Variants in OSBPL5 observed in about 807,000 individuals in gnomAD.
OSBPL5 encodes oxysterol binding protein like 5, also known as oxysterol-binding protein-related protein 5.
In OSBPL5, 71 loss-of-function variants were observed where a neutral mutation model predicts 111.2. The ratio of observed to expected loss-of-function variants is 0.64; its 90% CI spans 0.53 to 0.78. OSBPL5 has a LOEUF of 0.78. Ranked by LOEUF, OSBPL5 falls within the 30% of genes least tolerant of loss-of-function variation. The pLI is 0.00. For synonymous variants in OSBPL5, 549 were observed against 513.9 expected, an observed-to-expected ratio of 1.07 and a Z score of -0.93; for missense variants, 1,210 against 1,189.3, an observed-to-expected ratio of 1.02 and a Z score of -0.26.
Position 3,128,267 on chromosome 11 carries a change from C to T in OSBPL5, c.136+746G>A, listed in dbSNP as rs181096892. ...CATGGCCAGGCAGGGCTGGGGCTCC[C>T]ACTTCCTCAGCCCCAAAGCAGGCAG... On this transcript the variant is annotated intron_variant, in intron 2 of 21. Transcript: ENST00000263650. Among the ~76,000 whole-genome samples the T allele has an allele frequency of 4.9e-4, 74 of 152,316 alleles. No individual in the cohort carries two copies. In the East Asian group the frequency reaches 0.013, roughly 27 times the overall value.
chr11:3,128,036 C>G (rs142864830), intron 2 of OSBPL5, among the ~76,000 whole-genome samples: 1 of 152,374 alleles, frequency 6.6e-6, no homozygotes, highest in Non-Finnish European at 1.5e-5. Context: ...GTGAACGTGA[C>G]AGCAGAGAAT....
chr11:3,139,067 T>G (rs76730034), intron 1 of OSBPL5, among the ~76,000 whole-genome samples: 9,764 of 152,200 alleles, frequency 0.064, 1,029 homozygotes, highest in African/African-American at 0.22. Flanking sequence ...CGAGTGGGGA[T>G]CCTGGGGTGC....
At chr11:3,090,079 T>G (rs1236756606) in intron 20 of OSBPL5, 131 bp from the exon 21 acceptor site, 3 of 640,418 alleles carry the variant, frequency 4.7e-6, no homozygotes, top group Non-Finnish European at 7.9e-6. Flanking sequence ...ATGGGAAACC[T>G]GCAGGGCCAA....
intron 7 of OSBPL5, among the ~76,000 whole-genome samples, chr11:3,112,040 TGC>T (rs1428102140): frequency 3.7e-4 from 32 of 87,656 alleles, no homozygotes; most frequent in African/African-American, 1.1e-3. Flanking sequence ...TGTGTATGTG[TGC>T]GCGCATGTGT....
Position 3,093,053 on chromosome 11 carries a change from C to A in OSBPL5, c.1947-1G>T. 6.4e-7 allele frequency: 1 copy of A among 1,569,642 alleles called. No individual in the cohort carries two copies. The highest frequency in any genetic ancestry group is 1.2e-5 in the South Asian group (1 of 85,998). ...GGCCCTGGTGACGTGCTGCCAGAGC[C>A]TGCGGGCCAGTGACCCATCCTGAGC... On this transcript the variant is annotated splice_acceptor_variant, in intron 17 of 21. Transcript: ENST00000263650. LOFTEE classifies it high-confidence loss of function.
chr11:3,137,474 CGGGGAGCA>C (rs779731923), intron 1 of OSBPL5, among the ~76,000 whole-genome samples: 3 of 152,266 alleles, frequency 2.0e-5, no homozygotes, highest in Non-Finnish European at 2.9e-5. Flanking sequence ...TCGCAAGGTG[CGGGGAGCA>C]GGGGAGCAGG....
chr11:3,102,347 AG>A (rs1356640260), intron 11 of OSBPL5, 66 bp from the exon 12 acceptor site: 4 of 1,478,960 alleles, frequency 2.7e-6, no homozygotes, highest in Non-Finnish European at 3.7e-6. Flanking sequence ...AGAGCAGGTG[AG>A]GGATGTGGAC....
rs1428870109 is a variant in OSBPL5 at position 3,141,949 on chromosome 11, G to T, written c.-21-12780C>A. 6.6e-6 allele frequency among the ~76,000 whole-genome samples: 1 copy of T among 152,174 alleles called. No individual in the cohort carries two copies. The highest frequency in any genetic ancestry group is 2.4e-5 in the African/African-American group (1 of 41,446). ...TTTTTTTGAGACGGAGTCTCGCTCT[G>T]TTGCCCAGACTGGAGTACAATGGCA... is the stretch of plus-strand genomic sequence containing the variant. On this transcript the variant is annotated intron_variant, in intron 1 of 21. Coordinates refer to ENST00000263650, the MANE Select transcript of OSBPL5 (RefSeq NM_020896.4). The surrounding 1 kb of genome is among the most constrained non-coding windows in gnomAD (Gnocchi z 6.5).
At chr11:3,129,369 G>T (rs1858747134) in intron 1 of OSBPL5, 200 bp from the exon 2 acceptor site, 3 of 414,052 alleles carry the variant, frequency 7.2e-6, no homozygotes, top group African/African-American at 2.1e-5. Context: ...TTTGGCTGGT[G>T]CCAGCCCTTT....
At chr11:3,128,320 G>C (rs1468348912) in intron 2 of OSBPL5, among the ~76,000 whole-genome samples, 1 of 152,206 alleles carries the variant, frequency 6.6e-6, no homozygotes, top group East Asian at 1.9e-4. Flanking sequence ...GAGCTGGGGA[G>C]AGGTCCCCCA....
At chr11:3,100,538 G>T (rs947621317) in intron 13 of OSBPL5, among the ~76,000 whole-genome samples, 1 of 152,252 alleles carries the variant, frequency 6.6e-6, no homozygotes, top group African/African-American at 2.4e-5. Flanking sequence ...GGTGGAGGCT[G>T]CAAACTTTTT....
Position 3,092,558 on chromosome 11 carries a change from G to T in OSBPL5, c.2133C>A (p.Asp711Glu). Residue 711 changes from aspartate to glutamate, a missense_variant and splice_region_variant, in exon 19 of 22, where the codon GAC becomes GAA. Physicochemically the swap from Asp to Glu is conservative, Grantham distance 45. Transcript: ENST00000263650. This position sits in a 1 kb window ranked among gnomAD's most constrained non-coding sequence, Gnocchi z 5.4. Reference protein sequence around the residue: ...ITQEWHYRYEDHSPWDPLKDI... With the variant: ...ITQEWHYRYEEHSPWDPLKDI... ...CCTTCAGGGGGTCCCAGGGGCTGTG[G>T]CTGGAGGGTCCAGAGGGCGTTCATC... 3.8e-6 allele frequency: 6 copies of T among 1,588,470 alleles called. No individual in the cohort carries two copies. Among genetic ancestry groups the T allele is most frequent in the Non-Finnish European group, 5.1e-6 (6 of 1,167,450 alleles).
Position 3,121,820 on chromosome 11 carries a change from G to A in OSBPL5, c.402+177C>T, listed in dbSNP as rs988292593. On this transcript the variant is annotated intron_variant, in intron 5 of 21. Coordinates refer to ENST00000263650, the MANE Select transcript of OSBPL5 (RefSeq NM_020896.4). The surrounding 1 kb of genome is among the most constrained non-coding windows in gnomAD (Gnocchi z 4.3). ...ACCACTGGTGTCCTTATAAAAAGGGGGAGAGACAGGTGGATAAGGAAAGGC... is the reference window on the plus strand; with the variant it reads ...ACCACTGGTGTCCTTATAAAAAGGGAGAGAGACAGGTGGATAAGGAAAGGC... 1.6e-5 allele frequency: 10 copies of A among 617,598 alleles called. No individual in the cohort carries two copies. The highest frequency in any genetic ancestry group is 2.9e-5 in the Non-Finnish European group (10 of 349,294). The allele number at this position is 617,598 out of a possible 1,614,324, so 38.3% of individuals were successfully genotyped here.
At chr11:3,101,259 G>A (rs200882376) in intron 13 of OSBPL5, among the ~76,000 whole-genome samples, 1,382 of 68,224 alleles carry the variant, frequency 0.02, 58 homozygotes, top group East Asian at 0.17. Flanking sequence ...ACAGGCGTGA[G>A]CCACCATGCT....
intron 3 of OSBPL5, among the ~76,000 whole-genome samples, chr11:3,124,811 A>AATGGACGGATGGATGGATGG (rs113028978): frequency 6.6e-6 from 1 of 150,666 alleles, no homozygotes; most frequent in African/African-American, 2.4e-5. Flanking sequence ...TGAATGGATG[A>AATGGACGGATGGATGGATGG]ATGGATGGAT....
At chr11:3,096,995 A>AAGAGGAAAGAGGGGGAAGATGGGAGAAGG (rs1857283749) in intron 14 of OSBPL5, among the ~76,000 whole-genome samples, 1 of 2,094 alleles carries the variant, frequency 4.8e-4, no homozygotes, top group African/African-American at 1.7e-3. Flanking sequence ...GGAGGAGGAG[A>AAGAGGAAAGAGGGGGAAGATGGGAGAAGG]AGAGGAAAGA....
At chr11:3,101,924 T>C (rs529697196) in intron 12 of OSBPL5, among the ~76,000 whole-genome samples, 7 of 152,304 alleles carry the variant, frequency 4.6e-5, no homozygotes, top group African/African-American at 1.7e-4. Context: ...GAAGTCCCCA[T>C]CGGGAGATGG....
chr11:3,103,464 C>A, intron 10 of OSBPL5, 144 bp from the exon 11 acceptor site: 1 of 672,216 alleles, frequency 1.5e-6, no homozygotes, highest in Non-Finnish European at 2.5e-6. Flanking sequence ...TGGTCACCCC[C>A]AAGCAGGATA....
chr11:3,149,431 G>C (rs1846488882), intron 1 of OSBPL5, among the ~76,000 whole-genome samples: 1 of 152,222 alleles, frequency 6.6e-6, no homozygotes, highest in Admixed American at 6.5e-5. Flanking sequence ...CTGTGACTGT[G>C]GCTGACCCTC....
Sources: gnomAD v4.1 joint callset for allele counts (sites outside exome capture counted in the v4.1 genomes callset) on GRCh38, gnomAD v4.1.1 for gene constraint, Gnocchi (gnomAD v3.1) non-coding constraint, MANE v1.5 for transcripts, NCBI Gene and HGNC (gene_info 2026-07-23, HGNC 2026-07-21) for gene names.